Variants in DOCK2 observed in about 807,000 individuals in gnomAD.
DOCK2 encodes the protein dedicator of cytokinesis 2.
Under a neutral mutation model 248.9 loss-of-function variants are expected in DOCK2, and 87 were observed. That is an observed-to-expected ratio of 0.35 (90% CI 0.29 to 0.42). DOCK2 has a LOEUF of 0.42. Ranked by LOEUF, DOCK2 falls within the 10% of genes least tolerant of loss-of-function variation. The pLI is 1.00. For synonymous variants in DOCK2, 805 were observed against 821.6 expected, an observed-to-expected ratio of 0.98 and a Z score of 0.35; for missense variants, 1,747 against 2,300.2, an observed-to-expected ratio of 0.76 and a Z score of 4.92.
intron 27 of DOCK2, among the ~76,000 whole-genome samples, chr5:169,926,208 T>C (rs1365982343): frequency 6.6e-6 from 1 of 152,188 alleles, no homozygotes; most frequent in South Asian, 2.1e-4. Context: ...GCAGGCCCAG[T>C]GCCTGACTTG....
chr5:169,875,480 A>T (rs1772271685), intron 27 of DOCK2: 2 of 333,788 alleles, frequency 6.0e-6, no homozygotes, highest in East Asian at 7.8e-5. Flanking sequence ...TGAGTCTGGC[A>T]TCTGGAAGGC....
intron 27 of DOCK2, among the ~76,000 whole-genome samples, chr5:169,963,008 G>C (rs983655886): frequency 1.3e-5 from 2 of 152,144 alleles, no homozygotes; most frequent in African/African-American, 4.8e-5. Context: ...TGGAAGAATT[G>C]ACATTTTGAT....
At chr5:169,756,696 C>T (rs574014641) in intron 23 of DOCK2, among the ~76,000 whole-genome samples, 15 of 152,218 alleles carry the variant, frequency 9.9e-5, no homozygotes, top group South Asian at 6.2e-4. Flanking sequence ...GAGGTCAAGG[C>T]GGGTAGATCA....
intron 1 of DOCK2, 105 bp from the exon 2 acceptor site, chr5:169,654,297 TG>T: frequency 8.0e-7 from 1 of 1,245,990 alleles, no homozygotes; most frequent in Non-Finnish European, 1.1e-6. Flanking sequence ...TTAGCCCAGG[TG>T]GGCTGCGTGG....
intron 27 of DOCK2, among the ~76,000 whole-genome samples, chr5:169,850,912 C>T (rs1020612502): frequency 2.0e-5 from 3 of 152,180 alleles, no homozygotes; most frequent in Admixed American, 6.5e-5. Flanking sequence ...ATTTCTTGCC[C>T]TATGCCTTCT....
chr5:169,788,354 T>G (rs1174734754), intron 25 of DOCK2, among the ~76,000 whole-genome samples: 2 of 152,058 alleles, frequency 1.3e-5, no homozygotes, highest in African/African-American at 4.8e-5. Context: ...TTTATTTTTT[T>G]TATGTTTCAC....
intron 27 of DOCK2, among the ~76,000 whole-genome samples, chr5:169,846,971 G>A (rs567545968): frequency 1.2e-4 from 18 of 152,072 alleles, no homozygotes; most frequent in Non-Finnish European, 2.5e-4. Flanking sequence ...CCACTCCTGT[G>A]TTACTTCACT....
At chr5:169,708,389 A>G in intron 15 of DOCK2, 122 bp downstream of exon 15, 1 of 992,690 alleles carries the variant, frequency 1.0e-6, no homozygotes, top group Non-Finnish European at 1.5e-6. Flanking sequence ...GTTTGTACTA[A>G]TATTTCCTTC....
chr5:170,067,579 A>G lies in DOCK2; in HGVS notation c.4537A>G (p.Ile1513Val), dbSNP rs778911848. ...GGCCAATGAGAAGATCCTGATGATG[A>G]TAAACCAGTACCAGAGTGATGAGAC... ...STANEKILMM[I>V]NQYQSDETLP... The change falls in exon 45 of 52, where the codon ATA (isoleucine) becomes GTA (valine). Residue 1513 changes from isoleucine to valine, a missense_variant. Transcript: ENST00000520908. The G allele has an allele frequency of 4.3e-6, 7 of 1,614,112 alleles. No homozygotes were observed. In the South Asian group the frequency reaches 7.7e-5, roughly 18 times the overall value.
At chr5:169,898,735 G>A (rs261062) in intron 27 of DOCK2, among the ~76,000 whole-genome samples, 30,928 of 152,022 alleles carry the variant, frequency 0.2, 4,573 homozygotes, top group African/African-American at 0.42. Context: ...CAACTCTACC[G>A]TTGTAGCCTG....
At chr5:170,047,689 G>C in intron 40 of DOCK2, 75 bp downstream of exon 40, 1 of 1,390,464 alleles carries the variant, frequency 7.2e-7, no homozygotes, top group South Asian at 1.2e-5. Context: ...TCTATGCTTT[G>C]AGGATTTGCT....
chr5:169,900,979 G>C (rs989596776), intron 27 of DOCK2, among the ~76,000 whole-genome samples: 2 of 152,162 alleles, frequency 1.3e-5, no homozygotes, highest in African/African-American at 4.8e-5. Flanking sequence ...TTGGAACTTA[G>C]TTACGGGTAG....
At chr5:169,777,460 G>A (rs577390548) in intron 25 of DOCK2, among the ~76,000 whole-genome samples, 1 of 152,198 alleles carries the variant, frequency 6.6e-6, no homozygotes, top group African/African-American at 2.4e-5. Context: ...TGCCCACATG[G>A]AACCAGACGC....
At chr5:169,823,253 C>T (rs183370003) in intron 26 of DOCK2, among the ~76,000 whole-genome samples, 2 of 152,290 alleles carry the variant, frequency 1.3e-5, no homozygotes, top group African/African-American at 4.8e-5. Context: ...AGAGAGAATC[C>T]TCCCTAACTC....
At chr5:170,009,506 A>G (rs1581524150) in intron 32 of DOCK2, among the ~76,000 whole-genome samples, 2 of 152,132 alleles carry the variant, frequency 1.3e-5, no homozygotes, top group African/African-American at 2.4e-5. Context: ...TCCTTTATAA[A>G]TATGTGCTGA....
intron 2 of DOCK2, among the ~76,000 whole-genome samples, chr5:169,664,749 A>G (rs1758626651): frequency 6.6e-6 from 1 of 152,166 alleles, no homozygotes; most frequent in Non-Finnish European, 1.5e-5. Context: ...CTATGATCCA[A>G]TCACCTCCGA....
intron 27 of DOCK2, among the ~76,000 whole-genome samples, chr5:169,964,919 T>C (rs1347963024): frequency 6.6e-6 from 1 of 152,270 alleles, no homozygotes; most frequent in Non-Finnish European, 1.5e-5. Flanking sequence ...TCTCCGTCGC[T>C]CATGACTATT....
intron 27 of DOCK2, chr5:169,883,283 C>T: frequency 6.4e-7 from 1 of 1,551,644 alleles, no homozygotes; most frequent in South Asian, 1.2e-5. Context: ...TAAATATCAT[C>T]TGGAACCTGA....
intron 27 of DOCK2, among the ~76,000 whole-genome samples, chr5:169,850,652 T>C (rs1009117504): frequency 3.3e-5 from 5 of 152,166 alleles, no homozygotes; most frequent in Admixed American, 6.5e-5. Flanking sequence ...ATATGGATGG[T>C]GTGCAAGTTT....
Sources: gnomAD v4.1 joint callset for allele counts (sites outside exome capture counted in the v4.1 genomes callset) on GRCh38, gnomAD v4.1.1 for gene constraint, MANE v1.5 for transcripts, NCBI Gene and HGNC (gene_info 2026-07-23, HGNC 2026-07-21) for gene names.